Variants in GASK1A observed in about 807,000 individuals in gnomAD.
The protein encoded by GASK1A is golgi associated kinase 1A, also known as Golgi-associated kinase 1A.
A neutral mutation model predicts 41.2 loss-of-function variants in GASK1A; 40 were observed. That is an observed-to-expected ratio of 0.97 (90% CI 0.75 to 1.27). The LOEUF (loss-of-function observed/expected upper bound fraction) is 1.27. Ranked by LOEUF, GASK1A falls within the 50% of genes most tolerant of loss-of-function variation. GASK1A has a pLI of 0.00. For synonymous variants in GASK1A, 316 were observed against 307.1 expected, an observed-to-expected ratio of 1.03 and a Z score of -0.30; for missense variants, 678 against 745.1, an observed-to-expected ratio of 0.91 and a Z score of 1.05.
chr3:42,988,500 A>G (rs185764277), intron 1 of GASK1A, among the ~76,000 whole-genome samples: 2 of 152,302 alleles, frequency 1.3e-5, no homozygotes, highest in Non-Finnish European at 2.9e-5. Flanking sequence ...AGAAGAGAGA[A>G]AGGGAGAGAA....
intron 2 of GASK1A, among the ~76,000 whole-genome samples, chr3:43,049,262 A>T (rs141791830): frequency 6.6e-6 from 1 of 152,284 alleles, no homozygotes; most frequent in African/African-American, 2.4e-5. Context: ...CATAAAAAAT[A>T]AGAGATAAGA....
intron 1 of GASK1A, among the ~76,000 whole-genome samples, chr3:43,021,373 C>T (rs2089521509): frequency 1.3e-5 from 2 of 152,196 alleles, no homozygotes; most frequent in Non-Finnish European, 2.9e-5. Flanking sequence ...TGAGAACTTT[C>T]TCACTGCCCA....
intron 1 of GASK1A, among the ~76,000 whole-genome samples, chr3:43,021,266 A>G (rs913853448): frequency 2.6e-5 from 4 of 151,844 alleles, no homozygotes; most frequent in Non-Finnish European, 5.9e-5. Context: ...TCTGGCTCCC[A>G]CCCTTTCCCT....
rs896919034 is a variant in GASK1A at position 43,056,915 on chromosome 3, A to C, written c.*529A>C. On this transcript the variant is annotated 3_prime_UTR_variant, in exon 5 of 5. Coordinates refer to ENST00000430121, the MANE Select transcript of GASK1A (RefSeq NM_001129908.3). The stretch of plus-strand genomic sequence containing the variant: ...CTCAGTTATGTTTTTGGTTTAAAAA[A>C]TTATAAAAGTCTAAAAGTAATACAT... The C allele has an allele frequency of 6.6e-6, 1 of 152,276 alleles. No homozygotes were observed. The highest frequency in any genetic ancestry group is 2.4e-5 in the African/African-American group (1 of 41,460). 9.4% of individuals were successfully genotyped at this position (152,276 alleles called of 1,614,324 possible). A position where few individuals can be genotyped will look rare whatever the true frequency, so the allele number is the denominator to read the frequency against.
At chr3:43,052,227 G>A (rs1035302392) in intron 2 of GASK1A, among the ~76,000 whole-genome samples, 1 of 152,122 alleles carries the variant, frequency 6.6e-6, no homozygotes, top group Non-Finnish European at 1.5e-5. Context: ...GCACTACCTT[G>A]ACTTGCCCCA....
chr3:43,039,135 C>A (rs1182697457), intron 2 of GASK1A, among the ~76,000 whole-genome samples: 2 of 145,830 alleles, frequency 1.4e-5, no homozygotes, highest in African/African-American at 5.1e-5. Flanking sequence ...GCCCCATTTT[C>A]TTCTCTTTTT....
chr3:42,982,605 C>T (rs1166130397), intron 1 of GASK1A, among the ~76,000 whole-genome samples: 1 of 152,186 alleles, frequency 6.6e-6, no homozygotes, highest in East Asian at 1.9e-4. Context: ...CATTTTTGGA[C>T]ATTTAGGTCA....
chr3:42,986,844 T>C (rs573085060), intron 1 of GASK1A, among the ~76,000 whole-genome samples: 1 of 152,196 alleles, frequency 6.6e-6, no homozygotes, highest in South Asian at 2.1e-4. Flanking sequence ...GAGGAGCAGG[T>C]AGGGAGATGT....
intron 1 of GASK1A, among the ~76,000 whole-genome samples, chr3:43,025,501 A>G (rs998627115): frequency 1.3e-5 from 2 of 152,176 alleles, no homozygotes; most frequent in African/African-American, 4.8e-5. Context: ...CTTCACTCTT[A>G]GAAGTCTAAC....
chr3:43,032,018 C>A lies in GASK1A; in HGVS notation c.4-249C>A, dbSNP rs117313442. ...TCAAAGGGAGAATAAGACAGAAGAG[C>A]ATGGGTCTGCAGGCCTCAGCAGAGG... On this transcript the variant is annotated intron_variant, in intron 1 of 4. Transcript: ENST00000430121. Among the ~76,000 whole-genome samples the A allele has an allele frequency of 8.5e-4, 129 of 152,312 alleles. 3 individuals are homozygous for A. In the East Asian group the frequency reaches 0.023, roughly 27 times the overall value.
chr3:43,035,806 T>C (rs563319975), intron 2 of GASK1A, among the ~76,000 whole-genome samples: 1 of 152,362 alleles, frequency 6.6e-6, no homozygotes. Flanking sequence ...CATGGCAACC[T>C]ATGAGTGAGA....
intron 2 of GASK1A, among the ~76,000 whole-genome samples, chr3:43,049,685 C>A (rs149525190): frequency 2.7e-4 from 37 of 135,344 alleles, no homozygotes; most frequent in African/African-American, 1.0e-3. Flanking sequence ...TGTGCTTTCT[C>A]CATGTTTAAC....
intron 1 of GASK1A, among the ~76,000 whole-genome samples, chr3:42,995,810 G>A (rs2089366203): frequency 6.6e-6 from 1 of 152,198 alleles, no homozygotes; most frequent in South Asian, 2.1e-4. Flanking sequence ...AGGTTGGAAA[G>A]GTATAGCCCA....
At chr3:42,985,541 G>A (rs2089303695) in intron 1 of GASK1A, among the ~76,000 whole-genome samples, 1 of 138,342 alleles carries the variant, frequency 7.2e-6, no homozygotes, top group Non-Finnish European at 1.5e-5. Flanking sequence ...GGCTGCCTGT[G>A]CATACGTGTG....
intron 1 of GASK1A, among the ~76,000 whole-genome samples, chr3:43,011,160 G>C (rs1174087106): frequency 6.6e-6 from 1 of 152,188 alleles, no homozygotes; most frequent in East Asian, 1.9e-4. Context: ...GAGGTGGGCA[G>C]ATCACGAGGT....
At chr3:43,027,324 G>A (rs1220896618) in intron 1 of GASK1A, among the ~76,000 whole-genome samples, 1 of 152,174 alleles carries the variant, frequency 6.6e-6, no homozygotes, top group Non-Finnish European at 1.5e-5. Context: ...AGATGGAATC[G>A]AATGTATACG....
rs568188007 is a variant in GASK1A, at chr3:42,995,371, A to G, written c.3+15726A>G. On this transcript the variant is annotated intron_variant, in intron 1 of 4. Coordinates refer to ENST00000430121, the MANE Select transcript of GASK1A (RefSeq NM_001129908.3). The stretch of plus-strand genomic sequence containing the variant: ...AGAGAGAGTGTCATACTCTACGCCA[A>G]CCATGTAGGGACCTGGGCCCAAAGT... Among the ~76,000 whole-genome samples, 180 of 152,330 alleles carry G rather than the reference A, an allele frequency of 1.2e-3. 1 individual carries two copies. Among genetic ancestry groups the G allele is most frequent in the Non-Finnish European group, 1.7e-3 (115 of 68,036 alleles).
chr3:43,055,935 T>A, intron 4 of GASK1A: 1 of 519,518 alleles, frequency 1.9e-6, no homozygotes, highest in East Asian at 3.3e-5. Context: ...TTTATTCACC[T>A]GGCTTCTCTG....
chr3:43,020,019 CCT>C (rs1407311103), intron 1 of GASK1A, among the ~76,000 whole-genome samples: 5 of 152,132 alleles, frequency 3.3e-5, no homozygotes, highest in African/African-American at 1.2e-4. Context: ...GATGACTTAG[CCT>C]CTGTCTTTGC....
Sources: allele counts gnomAD v4.1 joint callset (sites outside exome capture counted in the v4.1 genomes callset), GRCh38; gene constraint gnomAD v4.1.1; transcripts MANE v1.5; gene names NCBI Gene and HGNC (gene_info 2026-07-23, HGNC 2026-07-21).